The following NAPEPLD variants were observed in gnomAD, a reference collection of about 807,000 sequenced individuals.
NAPEPLD encodes N-acyl phosphatidylethanolamine phospholipase D.
A neutral mutation model predicts 38.1 loss-of-function variants in NAPEPLD; 23 were observed. The observed-to-expected ratio is 0.60, with a 90% confidence interval of 0.43 to 0.86. The LOEUF (loss-of-function observed/expected upper bound fraction) is 0.86, where lower values mean the gene tolerates loss of function less well. NAPEPLD is among the 40% of genes least tolerant of loss of function. NAPEPLD has a pLI of 0.00. For missense variants in NAPEPLD, 411 were observed against 476.8 expected (o/e 0.86, Z 1.28); for synonymous variants, 147 against 162.0 (o/e 0.91, Z 0.71).
chr7:103,104,804 T>C (rs1277634789), intron 4 of NAPEPLD, among the ~76,000 whole-genome samples: 2 of 152,200 alleles, frequency 1.3e-5, no homozygotes, highest in Non-Finnish European at 2.9e-5. Context: ...TCCCCTGAAA[T>C]AATTTCCTAA....
chr7:103,126,007 T>C (rs952911301), intron 2 of NAPEPLD, among the ~76,000 whole-genome samples: 1 of 152,124 alleles, frequency 6.6e-6, no homozygotes, highest in East Asian at 1.9e-4. Flanking sequence ...TTGAAAGACA[T>C]TGTTTAATTA....
rs571945330 is a variant in NAPEPLD, at chr7:103,132,675, T to C, written c.-16-3883A>G. On this transcript the variant is annotated intron_variant, in intron 1 of 4. Transcript: ENST00000465647. ...TTAGCCCACTGTGGTGTTGCAGGCC[T>C]GTAGTCCCAGCTACTGGGAGGATCC... 4.6e-5 allele frequency among the ~76,000 whole-genome samples: 7 copies of C among 152,212 alleles called. No homozygotes were observed. In the East Asian group the frequency reaches 1.2e-3, roughly 25 times the overall value.
intron 3 of NAPEPLD, among the ~76,000 whole-genome samples, chr7:103,116,352 C>T (rs1259676149): frequency 2.6e-5 from 4 of 152,250 alleles, no homozygotes; most frequent in East Asian, 1.9e-4. Context: ...TGAGCCACCG[C>T]GCCCAGCTGC....
chr7:103,116,790 T>C (rs1373657209), intron 3 of NAPEPLD, among the ~76,000 whole-genome samples: 1 of 152,212 alleles, frequency 6.6e-6, no homozygotes, highest in Non-Finnish European at 1.5e-5. Context: ...CTTGCAGTTC[T>C]TAGAATGCCT....
At chr7:103,106,962 A>G (rs2129526670) in intron 4 of NAPEPLD, among the ~76,000 whole-genome samples, 2 of 152,100 alleles carry the variant, frequency 1.3e-5, no homozygotes, top group African/African-American at 4.8e-5. Context: ...GCTGGGAGAC[A>G]CCTCCCAGTA....
intron 1 of NAPEPLD, among the ~76,000 whole-genome samples, chr7:103,140,428 A>T (rs1010431028): frequency 7.2e-4 from 86 of 118,724 alleles, no homozygotes; most frequent in Non-Finnish European, 1.1e-3. Flanking sequence ...AGTCTTGCTC[A>T]GTCGCCCAGG....
intron 1 of NAPEPLD, among the ~76,000 whole-genome samples, chr7:103,135,939 G>T (rs1809960562): frequency 6.6e-6 from 1 of 152,014 alleles, no homozygotes; most frequent in African/African-American, 2.4e-5. Flanking sequence ...TGTTTTAAAT[G>T]TCTGTTAGTC....
At chr7:103,141,710 C>A in intron 1 of NAPEPLD, 1 of 876,630 alleles carries the variant, frequency 1.1e-6, no homozygotes, top group Non-Finnish European at 2.0e-6. Flanking sequence ...CTTACCTATG[C>A]CCATATGCCT....
chr7:103,100,911 T>C lies in NAPEPLD; in HGVS notation c.*2518A>G, dbSNP rs1166794722. 6.6e-6 allele frequency: 1 copy of C among 151,898 alleles called. No homozygotes were observed. Among genetic ancestry groups the C allele is most frequent in the Non-Finnish European group, 1.5e-5 (1 of 67,978 alleles). The allele number at this position is 151,898 out of a possible 1,614,324, so 9.4% of individuals were successfully genotyped here. A position where few individuals can be genotyped will look rare whatever the true frequency, so the allele number is the denominator to read the frequency against. On this transcript the variant is annotated 3_prime_UTR_variant, in exon 5 of 5. Coordinates refer to ENST00000465647, the MANE Select transcript of NAPEPLD (RefSeq NM_001122838.3). ...AAAGAACATGAGTGGTAATAAAAAA[T>C]TACAGCTTACAAAAGGGCCTAGAAA...
intron 1 of NAPEPLD, chr7:103,141,771 C>A: frequency 1.2e-6 from 1 of 855,308 alleles, no homozygotes; most frequent in Admixed American, 1.7e-5. Flanking sequence ...GGGGAATGGA[C>A]CATCACAGGC....
chr7:103,117,676 C>T (rs912576476), intron 3 of NAPEPLD, among the ~76,000 whole-genome samples: 1 of 152,158 alleles, frequency 6.6e-6, no homozygotes, highest in Non-Finnish European at 1.5e-5. Context: ...GAGGCTACCA[C>T]AATTTAACTC....
intron 1 of NAPEPLD, among the ~76,000 whole-genome samples, chr7:103,140,216 C>T (rs567543588): frequency 4.6e-4 from 70 of 152,140 alleles, no homozygotes; most frequent in Non-Finnish European, 9.0e-4. Context: ...TAAACAGTAA[C>T]AGTTTTAATG....
At chr7:103,111,237 T>G (rs1014415092) in intron 4 of NAPEPLD, among the ~76,000 whole-genome samples, 1 of 152,218 alleles carries the variant, frequency 6.6e-6, no homozygotes, top group African/African-American at 2.4e-5. Flanking sequence ...ATTGACTTTC[T>G]TCACAGAACT....
At chr7:103,120,900 C>A (rs187188174) in intron 2 of NAPEPLD, among the ~76,000 whole-genome samples, 1 of 151,674 alleles carries the variant, frequency 6.6e-6, no homozygotes, top group Admixed American at 6.6e-5. Context: ...TTTGTAGAGA[C>A]AGGGTCTCAT....
At chr7:103,130,194 C>T (rs1436907553) in intron 1 of NAPEPLD, among the ~76,000 whole-genome samples, 3 of 152,124 alleles carry the variant, frequency 2.0e-5, no homozygotes, top group African/African-American at 7.2e-5. Flanking sequence ...AATAGAAATA[C>T]TGCCCCAGAA....
intron 1 of NAPEPLD, chr7:103,141,767 T>G: frequency 1.1e-5 from 9 of 854,702 alleles, no homozygotes; most frequent in Non-Finnish European, 1.6e-5. Flanking sequence ...AGCGGGGGAA[T>G]GGACCATCAC....
At chr7:103,127,346 A>T (rs996271769) in intron 2 of NAPEPLD, 24 of 152,222 alleles carry the variant, frequency 1.6e-4, no homozygotes, top group Admixed American at 1.5e-3. Context: ...TCTAAACAAA[A>T]ATTCTATACC....
chr7:103,139,396 C>G (rs913943393), intron 1 of NAPEPLD, among the ~76,000 whole-genome samples: 2 of 152,200 alleles, frequency 1.3e-5, no homozygotes, highest in Non-Finnish European at 2.9e-5. Context: ...AGTGTCAGCT[C>G]TGATTAATGA....
intron 4 of NAPEPLD, among the ~76,000 whole-genome samples, chr7:103,106,595 G>A (rs952369444): frequency 1.2e-4 from 19 of 152,116 alleles, no homozygotes; most frequent in African/African-American, 4.3e-4. Flanking sequence ...TGAAGCTTGA[G>A]TAGGCAGTTT....
Sources: allele counts gnomAD v4.1 joint callset (sites outside exome capture counted in the v4.1 genomes callset), GRCh38; gene constraint gnomAD v4.1.1; transcripts MANE v1.5; gene names NCBI Gene and HGNC (gene_info 2026-07-23, HGNC 2026-07-21).